The following HIVEP3 variants were observed in gnomAD, a reference collection of about 807,000 sequenced individuals.
HIVEP3 encodes HIVEP zinc finger 3, also known as transcription factor HIVEP3.
In HIVEP3, 49 loss-of-function variants were observed where a neutral mutation model predicts 152.8. That is an observed-to-expected ratio of 0.32 (90% CI 0.26 to 0.41). The LOEUF is 0.41. HIVEP3 is among the 10% of genes least tolerant of loss of function. The pLI, the probability that HIVEP3 is intolerant of heterozygous loss-of-function variation, is 1.00. For missense variants in HIVEP3, 2,790 were observed against 3,103.3 expected (o/e 0.90, Z 2.40); for synonymous variants, 1,269 against 1,289.0 (o/e 0.98, Z 0.33).
At position 41,581,261 on chromosome 1, in the gene HIVEP3, G is replaced by C; in HGVS notation, c.3537C>G (p.Pro1179=). ...CTTGAAATAAGGAGGGAGGAAGTGG[G>C]GGCATGGAGTATGGTGAGGACAGGA... ...SSLLSSPYSM[P]PLPPSLFQAP... is the part of the protein sequence containing the mutation. The change falls in exon 4 of 9, where the codon CCC becomes CCG. Residue 1179 remains proline, a synonymous_variant. Coordinates refer to ENST00000372583, the MANE Select transcript of HIVEP3 (RefSeq NM_024503.5). This position sits in a 1 kb window ranked among gnomAD's most constrained non-coding sequence, Gnocchi z 4.5. The C allele has an allele frequency of 6.3e-7, 1 of 1,597,818 alleles. No homozygotes were observed. Among genetic ancestry groups the C allele is most frequent in the Non-Finnish European group, 8.5e-7 (1 of 1,172,562 alleles).
At chr1:41,736,261 A>G (rs1181912862) in intron 1 of HIVEP3, among the ~76,000 whole-genome samples, 5 of 152,118 alleles carry the variant, frequency 3.3e-5, no homozygotes, top group East Asian at 3.9e-4. Context: ...CGAATTTCCA[A>G]TTGCATCCCC....
chr1:41,881,952 T>C (rs1644268245), intron 1 of HIVEP3, among the ~76,000 whole-genome samples: 1 of 152,032 alleles, frequency 6.6e-6, no homozygotes, highest in Admixed American at 6.6e-5. Flanking sequence ...AACTTGAAAA[T>C]ATAACAAAAC....
At chr1:41,630,813 C>G (rs569706941) in intron 2 of HIVEP3, among the ~76,000 whole-genome samples, 2 of 152,298 alleles carry the variant, frequency 1.3e-5, no homozygotes, top group Non-Finnish European at 1.5e-5. Context: ...TATTCTAAGT[C>G]ACTAAATTGG....
At chr1:41,574,665 C>T (rs1644301027) in intron 5 of HIVEP3, among the ~76,000 whole-genome samples, 3 of 152,220 alleles carry the variant, frequency 2.0e-5, no homozygotes, top group African/African-American at 4.8e-5. Flanking sequence ...TTGGCCCCAG[C>T]TCATGGGGAC....
chr1:41,935,749 T>C (rs1161742167), intron 1 of HIVEP3, among the ~76,000 whole-genome samples: 2 of 147,128 alleles, frequency 1.4e-5, no homozygotes, highest in Non-Finnish European at 3.0e-5. Context: ...ATATATTATA[T>C]ATATTTTATA....
intron 3 of HIVEP3, among the ~76,000 whole-genome samples, chr1:41,600,066 G>A (rs2149123464): frequency 6.6e-6 from 1 of 152,240 alleles, no homozygotes; most frequent in Non-Finnish European, 1.5e-5. Context: ...AGAAAAAGAA[G>A]TATTTGCAAG....
At chr1:41,878,712 ACTCCCTCCCTTCCTTCCTCTCCTTCCCCC>A (rs1644211074) in intron 1 of HIVEP3, among the ~76,000 whole-genome samples, 2 of 104,604 alleles carry the variant, frequency 1.9e-5, no homozygotes, top group Non-Finnish European at 3.9e-5. Context: ...TCTCTTTCTA[ACTCCCTCCCTTCCTTCCTCTCCTTCCCCC>A]CTCCCTCCCT....
intron 2 of HIVEP3, among the ~76,000 whole-genome samples, chr1:41,646,713 G>T (rs916383951): frequency 5.9e-5 from 9 of 152,200 alleles, no homozygotes; most frequent in African/African-American, 2.2e-4. Context: ...TCCCCATCAT[G>T]GCCTCAGCCT....
intron 3 of HIVEP3, among the ~76,000 whole-genome samples, chr1:41,605,294 G>T (rs914130672): frequency 6.6e-6 from 1 of 151,588 alleles, no homozygotes; most frequent in Non-Finnish European, 1.5e-5. Flanking sequence ...CTCCGAAGGG[G>T]CATGAAGCAG....
Position 41,615,815 on chromosome 1 carries a change from C to CTTT in HIVEP3, c.-522+12931_-522+12933dup, listed in dbSNP as rs747478470. Among the ~76,000 whole-genome samples, 108 of 47,018 alleles carry CTTT rather than the reference C, an allele frequency of 2.3e-3. 10 individuals carry two copies. The highest frequency in any genetic ancestry group is 6.5e-3 in the Admixed American group (24 of 3,694). The allele number at this position is 47,018 out of a possible 152,430, so 30.8% of individuals were successfully genotyped here. A position where few individuals can be genotyped will look rare whatever the true frequency, so the allele number is the denominator to read the frequency against. On this transcript the variant is annotated intron_variant, in intron 3 of 8. Coordinates refer to ENST00000372583, the MANE Select transcript of HIVEP3 (RefSeq NM_024503.5). Reference sequence around the variant, plus strand: ...AGGGCTTCCACTGTATTTGACAAGTCTTTTTTTTTTTTTTTTTTTTTTTTT... The same window carrying CTTT: ...AGGGCTTCCACTGTATTTGACAAGTCTTTTTTTTTTTTTTTTTTTTTTTTTTTT...
chr1:42,003,077 C>CTT (rs538467097), intron 1 of HIVEP3, among the ~76,000 whole-genome samples: 1 of 150,626 alleles, frequency 6.6e-6, no homozygotes, highest in Admixed American at 6.6e-5. Flanking sequence ...TCTCTTTTTT[C>CTT]TTTTTTTTTA....
chr1:41,513,799 A>G (rs1642522967), intron 7 of HIVEP3, 49 bp from the exon 8 acceptor site: 2 of 1,439,856 alleles, frequency 1.4e-6, no homozygotes, highest in Admixed American at 2.5e-5. Flanking sequence ...CCTTGGCCCC[A>G]CTGCCCACAC....
intron 5 of HIVEP3, among the ~76,000 whole-genome samples, chr1:41,562,575 T>TTCCTTCTTTTCC (rs1644085682): frequency 7.7e-6 from 1 of 129,586 alleles, no homozygotes; most frequent in African/African-American, 2.9e-5. Flanking sequence ...CTTTCCTTCT[T>TTCCTTCTTTTCC]TTCCTTCCTT....
intron 1 of HIVEP3, among the ~76,000 whole-genome samples, chr1:41,810,150 C>T (rs1016537861): frequency 4.6e-5 from 7 of 152,162 alleles, no homozygotes; most frequent in Middle Eastern, 3.2e-3. Context: ...CCCCCAGCTG[C>T]CCACAAGACC....
intron 1 of HIVEP3, among the ~76,000 whole-genome samples, chr1:41,929,726 T>TTATATATATATATATATATA (rs55663663): frequency 1.9e-3 from 218 of 112,732 alleles, no homozygotes; most frequent in Non-Finnish European, 2.8e-3. Context: ...ATATGTGTTT[T>TTATATATATATATATATATA]TATATATATA....
At chr1:41,671,902 A>G (rs891006159) in intron 2 of HIVEP3, among the ~76,000 whole-genome samples, 1 of 152,144 alleles carries the variant, frequency 6.6e-6, no homozygotes, top group African/African-American at 2.4e-5. Context: ...AGGCAGGGGA[A>G]ACAGCTGAAA....
intron 1 of HIVEP3, among the ~76,000 whole-genome samples, chr1:41,853,826 G>A (rs1485998826): frequency 6.6e-6 from 1 of 152,148 alleles, no homozygotes; most frequent in Non-Finnish European, 1.5e-5. Context: ...CCTGCCACAA[G>A]CTACCCAGGG....
At chr1:41,671,989 C>T (rs977681540) in intron 2 of HIVEP3, among the ~76,000 whole-genome samples, 1 of 152,166 alleles carries the variant, frequency 6.6e-6, no homozygotes, top group Non-Finnish European at 1.5e-5. Context: ...TGGGCAGGGG[C>T]TGGGTGCAGT....
intron 2 of HIVEP3, among the ~76,000 whole-genome samples, chr1:41,666,841 G>A (rs1645803370): frequency 1.3e-5 from 2 of 152,154 alleles, no homozygotes; most frequent in African/African-American, 4.8e-5. Flanking sequence ...TAACAACAGA[G>A]CCTCAGTTTA....
Sources: allele counts gnomAD v4.1 joint callset (sites outside exome capture counted in the v4.1 genomes callset), GRCh38; gene constraint gnomAD v4.1.1; non-coding constraint Gnocchi (gnomAD v3.1); transcripts MANE v1.5; gene names NCBI Gene and HGNC (gene_info 2026-07-23, HGNC 2026-07-21).